Variants in FOXN3 observed in about 807,000 individuals in gnomAD.
The protein encoded by FOXN3 is forkhead box N3.
FOXN3 carries 7 observed loss-of-function variants against 38.4 expected under a neutral mutation model. The ratio of observed to expected loss-of-function variants is 0.18; its 90% CI spans 0.10 to 0.34. The LOEUF (loss-of-function observed/expected upper bound fraction) is 0.34, where lower values mean the gene tolerates loss of function less well. FOXN3 is among the 10% of genes least tolerant of loss of function. FOXN3 has a pLI of 1.00. For missense variants in FOXN3, 456 were observed against 613.4 expected, an observed-to-expected ratio of 0.74 and a Z score of 2.71; for synonymous variants, 230 against 242.2, an observed-to-expected ratio of 0.95 and a Z score of 0.47.
At position 89,506,539 on chromosome 14, in the gene FOXN3, C is replaced by T. The variant is rs1322822279; in HGVS notation, c.-14-94049G>A. On this transcript the variant is annotated intron_variant, in intron 1 of 6. Transcript: ENST00000345097. ...CCCCCGCCTGGCCAGCCACCCCGTC[C>T]GGGAGGTGAGGGGCGCCTCTGCCCG... 4.7e-5 allele frequency among the ~76,000 whole-genome samples: 7 copies of T among 150,404 alleles called. No individual in the cohort carries two copies. In the South Asian group the frequency reaches 1.1e-3, roughly 23 times the overall value.
At chr14:89,362,275 TCCACCACCACCA>T (rs1399893380) in intron 2 of FOXN3, among the ~76,000 whole-genome samples, 8 of 8,716 alleles carry the variant, frequency 9.2e-4, no homozygotes, top group Admixed American at 1.4e-3. Flanking sequence ...CTCCTCCTCC[TCCACCACCACCA>T]CCTCCACCAC....
intron 4 of FOXN3, among the ~76,000 whole-genome samples, chr14:89,219,425 C>A (rs897592027): frequency 6.6e-6 from 1 of 152,108 alleles, no homozygotes; most frequent in Non-Finnish European, 1.5e-5. Context: ...AGTGTGAAAA[C>A]GGACTAATAA....
intron 1 of FOXN3, among the ~76,000 whole-genome samples, chr14:89,518,109 A>C (rs778814090): frequency 5.9e-5 from 9 of 152,154 alleles, no homozygotes; most frequent in Non-Finnish European, 7.4e-5. Context: ...ACTGCCTTCA[A>C]AGCAATCTGA....
At chr14:89,445,103 G>A (rs1314435005) in intron 1 of FOXN3, among the ~76,000 whole-genome samples, 1 of 151,666 alleles carries the variant, frequency 6.6e-6, no homozygotes, top group African/African-American at 2.4e-5. Flanking sequence ...GACTACCTAG[G>A]CGACAGAACA....
intron 4 of FOXN3, among the ~76,000 whole-genome samples, chr14:89,195,316 T>A (rs1043113565): frequency 6.6e-6 from 1 of 152,136 alleles, no homozygotes. Flanking sequence ...TTACTCCCAC[T>A]CTCTACCTTA....
chr14:89,247,337 G>A (rs1283882128), intron 4 of FOXN3, among the ~76,000 whole-genome samples: 2 of 152,158 alleles, frequency 1.3e-5, no homozygotes, highest in Non-Finnish European at 2.9e-5. Context: ...CAAGCCTGGG[G>A]ACTAAGAAAA....
At chr14:89,333,986 A>C (rs202216328) in intron 3 of FOXN3, among the ~76,000 whole-genome samples, 5 of 115,552 alleles carry the variant, frequency 4.3e-5, no homozygotes, top group African/African-American at 1.9e-4. Flanking sequence ...ATATATATAT[A>C]TATATATATA....
At chr14:89,587,638 C>T (rs901845166) in intron 1 of FOXN3, among the ~76,000 whole-genome samples, 2 of 152,052 alleles carry the variant, frequency 1.3e-5, no homozygotes, top group Admixed American at 6.6e-5. Context: ...GAGGCAGAGG[C>T]GGGCAGATCA....
At position 89,161,604 on chromosome 14, in the gene FOXN3, T is replaced by TGTGTGTGTGTGC. The variant is rs1182625512; in HGVS notation, c.*809_*810insGCACACACACAC. 1 of 143,790 alleles carries TGTGTGTGTGTGC rather than the reference T, an allele frequency of 7.0e-6. No homozygotes were observed. The highest frequency in any genetic ancestry group is 1.6e-5 in the Non-Finnish European group (1 of 64,276). The allele number at this position is 143,790 out of a possible 1,614,324, so 8.9% of individuals were successfully genotyped here. A position where few individuals can be genotyped will look rare whatever the true frequency, so the allele number is the denominator to read the frequency against. On this transcript the variant is annotated 3_prime_UTR_variant, in exon 6 of 6. Transcript: ENST00000557258. Reference sequence around the variant, plus strand: ...GTGTGTGTGTGTGTGTGTGCGTGCGTGCACAGGGCCAATCTTCAGGCTTAT... The same window carrying TGTGTGTGTGTGC: ...GTGTGTGTGTGTGTGTGTGCGTGCGTGTGTGTGTGTGCGCACAGGGCCAATCTTCAGGCTTAT...
intron 2 of FOXN3, among the ~76,000 whole-genome samples, chr14:89,381,846 A>AAGGAG (rs1251513704): frequency 6.7e-6 from 1 of 149,882 alleles, no homozygotes; most frequent in African/African-American, 2.4e-5. Context: ...GGCAACAGAG[A>AAGGAG]AGGAGGGGAG....
At chr14:89,556,435 C>T (rs1895126135) in intron 1 of FOXN3, among the ~76,000 whole-genome samples, 1 of 151,486 alleles carries the variant, frequency 6.6e-6, no homozygotes, top group African/African-American at 2.4e-5. Flanking sequence ...GAATCAGACT[C>T]ACTATGTGCC....
chr14:89,334,912 G>A lies in FOXN3; in HGVS notation c.680+15760C>T, dbSNP rs149994137. Among the ~76,000 whole-genome samples the A allele has an allele frequency of 9.1e-3, 1,386 of 151,840 alleles. 18 individuals are homozygous for A. The highest frequency in any genetic ancestry group is 0.032 in the African/African-American group (1,343 of 41,386). ...CGCCCCAGTAGCTGGGATTACAGGCGTGCACCACCACACCCAGCTAATTTT... is the reference window on the plus strand; with the variant it reads ...CGCCCCAGTAGCTGGGATTACAGGCATGCACCACCACACCCAGCTAATTTT... On this transcript the variant is annotated intron_variant, in intron 3 of 5. Transcript: ENST00000557258.
intron 1 of FOXN3, among the ~76,000 whole-genome samples, chr14:89,524,387 AAAAAAAAAAAAAAAAAG>A (rs770645500): frequency 0.062 from 6,902 of 110,834 alleles, 540 homozygotes; most frequent in East Asian, 0.19. Context: ...AAAAAAAAAA[AAAAAAAAAAAAAAAAAG>A]AAAGAAAGAA....
At chr14:89,564,471 A>G (rs1046675386) in intron 1 of FOXN3, among the ~76,000 whole-genome samples, 1 of 152,146 alleles carries the variant, frequency 6.6e-6, no homozygotes, top group Non-Finnish European at 1.5e-5. Context: ...TGAAAGCTAC[A>G]TATCATCATC....
At chr14:89,287,060 C>A (rs1886649898) in intron 3 of FOXN3, among the ~76,000 whole-genome samples, 1 of 152,098 alleles carries the variant, frequency 6.6e-6, no homozygotes. Flanking sequence ...AATTCCATGC[C>A]TGCAAGCCGG....
intron 2 of FOXN3, among the ~76,000 whole-genome samples, chr14:89,359,537 T>C (rs117134087): frequency 0.013 from 2,032 of 152,276 alleles, 27 homozygotes; most frequent in Non-Finnish European, 0.022. Flanking sequence ...TCAGATGCAC[T>C]AAGATAGAGG....
intron 1 of FOXN3, among the ~76,000 whole-genome samples, chr14:89,583,492 C>T (rs1895785672): frequency 6.6e-6 from 1 of 152,202 alleles, no homozygotes; most frequent in African/African-American, 2.4e-5. Context: ...CCAATGCTGG[C>T]ATTTTGATCT....
chr14:89,312,074 C>G (rs993856330), intron 3 of FOXN3, among the ~76,000 whole-genome samples: 9 of 151,892 alleles, frequency 5.9e-5, no homozygotes, highest in African/African-American at 1.9e-4. Flanking sequence ...CATTTGAGGT[C>G]AGGAGTTTGA....
At chr14:89,597,327 C>T (rs1896077029) in intron 1 of FOXN3, among the ~76,000 whole-genome samples, 1 of 152,048 alleles carries the variant, frequency 6.6e-6, no homozygotes, top group Admixed American at 6.5e-5. Context: ...CTATGATTTC[C>T]ATCCTATACT....
Sources: allele counts gnomAD v4.1 joint callset (sites outside exome capture counted in the v4.1 genomes callset), GRCh38; gene constraint gnomAD v4.1.1; transcripts MANE v1.5; gene names NCBI Gene and HGNC (gene_info 2026-07-23, HGNC 2026-07-21).